VWA8: variants seen among roughly 807,000 people sequenced by gnomAD.
VWA8 encodes von Willebrand factor A domain-containing protein 8.
A neutral mutation model predicts 241.5 loss-of-function variants in VWA8; 221 were observed. The ratio of observed to expected loss-of-function variants is 0.91; its 90% CI spans 0.82 to 1.02. The LOEUF (loss-of-function observed/expected upper bound fraction) is 1.02, where lower values mean the gene tolerates loss of function less well. Among genes scored for constraint, VWA8 ranks in the 50% least tolerant of loss-of-function variants. The pLI is 0.00. For synonymous variants in VWA8, 852 were observed against 827.1 expected (o/e 1.03, Z -0.52); for missense variants, 2,322 against 2,328.7 (o/e 1.00, Z 0.06).
intron 37 of VWA8, among the ~76,000 whole-genome samples, chr13:41,640,990 T>C (rs2044792064): frequency 6.6e-6 from 1 of 152,076 alleles, no homozygotes. Context: ...GGTAGAAGAT[T>C]GTGGAATCAG....
intron 2 of VWA8, among the ~76,000 whole-genome samples, chr13:41,941,418 G>T (rs537936488): frequency 6.6e-6 from 1 of 152,310 alleles, no homozygotes; most frequent in Admixed American, 6.5e-5. Context: ...GTCTAAGTGA[G>T]ACTGAAAATG....
chr13:41,785,042 A>G (rs1869122938), intron 18 of VWA8, among the ~76,000 whole-genome samples: 2 of 151,924 alleles, frequency 1.3e-5, no homozygotes, highest in African/African-American at 4.8e-5. Flanking sequence ...TGTATTCCCT[A>G]CAGTAACCAG....
chr13:41,643,304 C>T (rs1022934361), intron 37 of VWA8, among the ~76,000 whole-genome samples: 4 of 152,274 alleles, frequency 2.6e-5, no homozygotes, highest in Non-Finnish European at 4.4e-5. Flanking sequence ...TATTTAGGGG[C>T]CTGTTTGTGT....
intron 16 of VWA8, among the ~76,000 whole-genome samples, chr13:41,814,415 C>T (rs533915619): frequency 2.0e-5 from 3 of 151,694 alleles, no homozygotes; most frequent in Non-Finnish European, 4.4e-5. Flanking sequence ...GTAGGGAAAG[C>T]ACATTCTAGG....
intron 4 of VWA8, among the ~76,000 whole-genome samples, chr13:41,897,373 T>C (rs1368640687): frequency 2.6e-5 from 4 of 152,160 alleles, no homozygotes; most frequent in Non-Finnish European, 5.9e-5. Context: ...CCAGTTAGAA[T>C]GGCCACTGTG....
chr13:41,611,483 G>A (rs2044587771), intron 39 of VWA8, 93 bp downstream of exon 39: 2 of 1,487,182 alleles, frequency 1.3e-6, no homozygotes, highest in African/African-American at 1.4e-5. Flanking sequence ...TGAGGTGGAG[G>A]TGGAAACACA....
chr13:41,903,390 T>C (rs1875549359), intron 4 of VWA8, among the ~76,000 whole-genome samples: 2 of 152,110 alleles, frequency 1.3e-5, no homozygotes. Context: ...ATGAGCAAGA[T>C]AGACAGTTAT....
At position 41,721,559 on chromosome 13, in the gene VWA8, G is replaced by A. The variant is rs1414457281; in HGVS notation, c.2775C>T (p.Cys925=). The A allele has an allele frequency of 1.9e-6, 3 of 1,612,592 alleles. No individual in the cohort carries two copies. Among genetic ancestry groups the A allele is most frequent in the Non-Finnish European group, 2.5e-6 (3 of 1,179,334 alleles). The change falls in exon 25 of 45, where the codon TGC becomes TGT. Residue 925 remains cysteine (C), a synonymous_variant. Transcript: ENST00000379310. ...FFGTLGDIFS[C]HAVDNPKPHS... ...GGGGTTTGGGGTTATCAACTGCATGGCAGCTAAAAATATCACCTAAAGGAG... is the reference window on the plus strand; with the variant it reads ...GGGGTTTGGGGTTATCAACTGCATGACAGCTAAAAATATCACCTAAAGGAG...
chr13:41,623,315 C>T (rs886672023), intron 37 of VWA8, among the ~76,000 whole-genome samples: 1 of 152,108 alleles, frequency 6.6e-6, no homozygotes, highest in East Asian at 1.9e-4. Context: ...GAGTCTATGC[C>T]CCAATGACAT....
intron 12 of VWA8, among the ~76,000 whole-genome samples, chr13:41,846,946 A>C (rs1374052862): frequency 6.6e-6 from 1 of 152,168 alleles, no homozygotes; most frequent in Non-Finnish European, 1.5e-5. Context: ...GAATTGCTTG[A>C]ACTCTGCAGG....
intron 20 of VWA8, among the ~76,000 whole-genome samples, chr13:41,774,787 T>C (rs181227734): frequency 1.2e-3 from 186 of 152,166 alleles, no homozygotes; most frequent in African/African-American, 4.2e-3. Flanking sequence ...AGGCCCTAAT[T>C]AGAAGGAATA....
At chr13:41,757,194 A>G (rs1330771689) in intron 21 of VWA8, among the ~76,000 whole-genome samples, 2 of 151,770 alleles carry the variant, frequency 1.3e-5, no homozygotes, top group Non-Finnish European at 3.0e-5. Flanking sequence ...GATTGAAATA[A>G]TTACAAGTAA....
rs1373114363 is a variant in VWA8, at chr13:41,621,202, T to C, written c.4612-6118A>G. Reference sequence around the variant, plus strand: ...AATATTTAATAAGTTATATGAGATATTCAACACTTTATTATAAAATAGGCT... The same window carrying C: ...AATATTTAATAAGTTATATGAGATACTCAACACTTTATTATAAAATAGGCT... On this transcript the variant is annotated intron_variant, in intron 37 of 44. Transcript: ENST00000379310. 3.3e-5 allele frequency among the ~76,000 whole-genome samples: 5 copies of C among 152,344 alleles called. No individual in the cohort carries two copies. In the East Asian group the frequency reaches 9.6e-4, roughly 29 times the overall value.
intron 32 of VWA8, 28 bp from the exon 33 acceptor site, chr13:41,690,303 A>C: frequency 6.3e-7 from 1 of 1,584,638 alleles, no homozygotes; most frequent in Non-Finnish European, 8.6e-7. Context: ...ATCTAGCTTA[A>C]GTGAAATTTT....
At chr13:41,617,270 C>T (rs552719432) in intron 37 of VWA8, among the ~76,000 whole-genome samples, 2 of 152,194 alleles carry the variant, frequency 1.3e-5, no homozygotes, top group Admixed American at 6.5e-5. Context: ...AGGCACCTGC[C>T]ACCACGCCCA....
intron 37 of VWA8, among the ~76,000 whole-genome samples, chr13:41,662,088 T>A (rs1474296955): frequency 2.6e-5 from 4 of 152,228 alleles, no homozygotes; most frequent in African/African-American, 7.2e-5. Flanking sequence ...TCCAACTTTA[T>A]TCTTCTTTTA....
intron 37 of VWA8, among the ~76,000 whole-genome samples, chr13:41,619,348 A>C (rs2044642067): frequency 6.6e-6 from 1 of 152,214 alleles, no homozygotes; most frequent in Non-Finnish European, 1.5e-5. Context: ...GAAGTTGTTT[A>C]TCAGCTTAAG....
At position 41,811,255 on chromosome 13, in the gene VWA8, TG is replaced by T. The variant is rs1243240609; in HGVS notation, c.2032del (p.His678ThrfsTer21). On this transcript the variant is annotated frameshift_variant, in exon 17 of 45. Transcript: ENST00000379310. LOFTEE classifies it high-confidence loss of function. ...RLSQYPNENL[H>X]SAVTKACLSR... ...AAGGCAGGCTTTAGTAACAGCACTG[TG>T]AAGATTTTCATTAGGATACTGTGAC... The T allele has an allele frequency of 6.2e-7, 1 of 1,610,494 alleles. No individual in the cohort carries two copies. Among genetic ancestry groups the T allele is most frequent in the Admixed American group, 1.7e-5 (1 of 59,938 alleles).
intron 37 of VWA8, among the ~76,000 whole-genome samples, chr13:41,648,514 G>C (rs1268959073): frequency 1.3e-5 from 2 of 152,218 alleles, no homozygotes; most frequent in Non-Finnish European, 2.9e-5. Context: ...TTCACAGTAT[G>C]TCAAAGACTT....
Sources: allele counts gnomAD v4.1 joint callset (sites outside exome capture counted in the v4.1 genomes callset), GRCh38; gene constraint gnomAD v4.1.1; transcripts MANE v1.5; gene names NCBI Gene and HGNC (gene_info 2026-07-23, HGNC 2026-07-21).